KCTD8: variants seen among roughly 807,000 people sequenced by gnomAD.
KCTD8 encodes BTB/POZ domain-containing protein KCTD8.
A neutral mutation model predicts 31.5 loss-of-function variants in KCTD8; 27 were observed. The ratio of observed to expected loss-of-function variants is 0.86; its 90% CI spans 0.63 to 1.18. The LOEUF (loss-of-function observed/expected upper bound fraction) is 1.18, where lower values mean the gene tolerates loss of function less well. Ranked by LOEUF, KCTD8 falls within the 50% of genes most tolerant of loss-of-function variation. The probability of loss-of-function intolerance (pLI) is 0.00; values close to 1 mark genes in which losing one functional copy is unlikely to be tolerated. For missense variants in KCTD8, 658 were observed against 647.7 expected (o/e 1.02, Z -0.17); for synonymous variants, 290 against 280.0 (o/e 1.04, Z -0.36).
At chr4:44,283,451 G>A (rs569183952) in intron 1 of KCTD8, among the ~76,000 whole-genome samples, 33 of 152,166 alleles carry the variant, frequency 2.2e-4, no homozygotes, top group Admixed American at 1.8e-3. Flanking sequence ...TTAAAGGACA[G>A]GTTGACTCTC....
chr4:44,277,231 A>C (rs1437855364), intron 1 of KCTD8, among the ~76,000 whole-genome samples: 3 of 151,886 alleles, frequency 2.0e-5, no homozygotes, highest in Non-Finnish European at 4.4e-5. Context: ...TATAGTAAAA[A>C]TCCCAAATAA....
chr4:44,384,213 G>C (rs1577647769), intron 1 of KCTD8, among the ~76,000 whole-genome samples: 1 of 151,894 alleles, frequency 6.6e-6, no homozygotes, highest in Non-Finnish European at 1.5e-5. Flanking sequence ...TACATTGTTG[G>C]TGGGAATGTA....
At chr4:44,435,789 G>T (rs1040103769) in intron 1 of KCTD8, among the ~76,000 whole-genome samples, 1 of 152,056 alleles carries the variant, frequency 6.6e-6, no homozygotes, top group Non-Finnish European at 1.5e-5. Flanking sequence ...ATACTAGCAT[G>T]AGGAGGCTAG....
intron 1 of KCTD8, among the ~76,000 whole-genome samples, chr4:44,278,250 A>G (rs1216192328): frequency 6.6e-6 from 1 of 152,030 alleles, no homozygotes; most frequent in Admixed American, 6.6e-5. Flanking sequence ...ATCAACATGA[A>G]ACTTTCACTC....
chr4:44,315,980 T>C (rs2109402529), intron 1 of KCTD8, among the ~76,000 whole-genome samples: 1 of 152,260 alleles, frequency 6.6e-6, no homozygotes, highest in Admixed American at 6.5e-5. Flanking sequence ...AGACTTAGGT[T>C]TTCTACCCAT....
intron 1 of KCTD8, among the ~76,000 whole-genome samples, chr4:44,324,891 C>A (rs1160376729): frequency 6.6e-6 from 1 of 151,900 alleles, no homozygotes; most frequent in East Asian, 1.9e-4. Context: ...TTCAGACTGG[C>A]CTTATGTTAC....
intron 1 of KCTD8, among the ~76,000 whole-genome samples, chr4:44,423,359 C>T (rs1721268039): frequency 6.6e-6 from 1 of 152,054 alleles, no homozygotes; most frequent in Non-Finnish European, 1.5e-5. Context: ...TAAATAATGA[C>T]AACACTATAA....
intron 1 of KCTD8, among the ~76,000 whole-genome samples, chr4:44,285,143 A>G (rs1346228730): frequency 6.6e-6 from 1 of 152,188 alleles, no homozygotes; most frequent in East Asian, 1.9e-4. Context: ...AAGGATTATA[A>G]ATCATTCTAT....
intron 1 of KCTD8, among the ~76,000 whole-genome samples, chr4:44,285,450 C>T (rs1041566747): frequency 6.6e-6 from 1 of 151,394 alleles, no homozygotes; most frequent in African/African-American, 2.4e-5. Flanking sequence ...GGGAGGGGAA[C>T]ATCACACACT....
intron 1 of KCTD8, among the ~76,000 whole-genome samples, chr4:44,299,624 A>G (rs938995295): frequency 6.6e-6 from 1 of 151,276 alleles, no homozygotes; most frequent in East Asian, 2.0e-4. Context: ...GCTACTCTGG[A>G]GGCTGAGGCA....
intron 1 of KCTD8, among the ~76,000 whole-genome samples, chr4:44,221,713 T>C (rs1714814254): frequency 6.6e-6 from 1 of 152,146 alleles, no homozygotes; most frequent in African/African-American, 2.4e-5. Context: ...GGGAGAAAGA[T>C]GGATGCCAGA....
chr4:44,376,311 C>T (rs1362218114), intron 1 of KCTD8, among the ~76,000 whole-genome samples: 1 of 152,064 alleles, frequency 6.6e-6, no homozygotes, highest in East Asian at 1.9e-4. Context: ...CACAATGTTC[C>T]ATGCAGCCAA....
chr4:44,349,409 G>A (rs1478822139), intron 1 of KCTD8, among the ~76,000 whole-genome samples: 2 of 152,176 alleles, frequency 1.3e-5, no homozygotes, highest in African/African-American at 4.8e-5. Flanking sequence ...GGAAGCTTGA[G>A]AGCAAGGAAT....
At chr4:44,302,780 C>T (rs1463670895) in intron 1 of KCTD8, among the ~76,000 whole-genome samples, 1 of 151,900 alleles carries the variant, frequency 6.6e-6, no homozygotes, top group Non-Finnish European at 1.5e-5. Flanking sequence ...TGAGAGAGGG[C>T]ATCCCTGTCT....
intron 1 of KCTD8, among the ~76,000 whole-genome samples, chr4:44,378,013 C>T (rs539228384): frequency 8.6e-5 from 13 of 151,742 alleles, no homozygotes; most frequent in Non-Finnish European, 1.3e-4. Context: ...ATGATGAGAT[C>T]GCCCGTATGT....
intron 1 of KCTD8, among the ~76,000 whole-genome samples, chr4:44,228,077 C>CT (rs1715015486): frequency 6.6e-6 from 1 of 152,176 alleles, no homozygotes; most frequent in South Asian, 2.1e-4. Context: ...TTGGCCTCAT[C>CT]TATCTTTCCA....
intron 1 of KCTD8, among the ~76,000 whole-genome samples, chr4:44,407,158 C>G (rs1347944480): frequency 6.6e-6 from 1 of 152,010 alleles, no homozygotes; most frequent in Non-Finnish European, 1.5e-5. Flanking sequence ...ATGATTCTTC[C>G]AATTATTTAA....
rs774696281 is a variant in KCTD8, at chr4:44,175,066, G to A, written c.1146C>T (p.His382=). ...GATCCAATGTTAAAGTGTTAGGTTG[G>A]TGAGCTGTTGCCTGCTGGGCACTGG... ...NPSSAQQATA[H]QPNTLTLDRP... The change falls in exon 2 of 2, where the codon CAC becomes CAT. Residue 382 remains histidine, a synonymous_variant. Coordinates refer to ENST00000360029, the MANE Select transcript of KCTD8 (RefSeq NM_198353.3). 6.2e-7 allele frequency: 1 copy of A among 1,614,048 alleles called. No homozygotes were observed.
chr4:44,418,380 T>C (rs1360780835), intron 1 of KCTD8, among the ~76,000 whole-genome samples: 1 of 152,144 alleles, frequency 6.6e-6, no homozygotes, highest in Admixed American at 6.5e-5. Context: ...TAATTGAAAT[T>C]TTCTCCTATG....
Sources: allele counts gnomAD v4.1 joint callset (sites outside exome capture counted in the v4.1 genomes callset), GRCh38; gene constraint gnomAD v4.1.1; transcripts MANE v1.5; gene names NCBI Gene and HGNC (gene_info 2026-07-23, HGNC 2026-07-21).